PLA2G4D: variants seen among roughly 807,000 people sequenced by gnomAD.
The protein encoded by PLA2G4D is cytosolic phospholipase A2 delta.
Under a neutral mutation model 94.4 loss-of-function variants are expected in PLA2G4D, and 80 were observed. The observed-to-expected ratio is 0.85, with a 90% CI of 0.71 to 1.02. The LOEUF (loss-of-function observed/expected upper bound fraction) is 1.02. Among genes scored for constraint, PLA2G4D ranks in the 50% least tolerant of loss-of-function variants. The pLI is 0.00. For missense variants in PLA2G4D, 1,050 were observed against 1,034.7 expected (o/e 1.01, Z -0.20); for synonymous variants, 438 against 440.9 (o/e 0.99, Z 0.08).
In PLA2G4D at chr15:42,084,612, C is replaced by A. The variant is rs1346225874; in HGVS notation, c.471+484G>T. Among the ~76,000 whole-genome samples the A allele has an allele frequency of 6.6e-6, 1 of 151,944 alleles. No individual in the cohort carries two copies. Among genetic ancestry groups the A allele is most frequent in the Non-Finnish European group, 1.5e-5 (1 of 67,950 alleles). ...AGCTTCGTGAGCCCGTGGTCAGGAG[C>A]GCTGACCAGGACTCTCCCCAGTCCC... On this transcript the variant is annotated intron_variant, in intron 6 of 19. Transcript: ENST00000290472. The surrounding 1 kb of genome is among the most constrained non-coding windows in gnomAD (Gnocchi z 4.8).
intron 1 of PLA2G4D, among the ~76,000 whole-genome samples, chr15:42,092,128 C>T (rs993304980): frequency 6.6e-6 from 1 of 152,070 alleles, no homozygotes; most frequent in Non-Finnish European, 1.5e-5. Flanking sequence ...GAGAGACCCA[C>T]CGACCCTGTG....
intron 12 of PLA2G4D, among the ~76,000 whole-genome samples, chr15:42,080,419 G>A (rs1890015581): frequency 6.6e-6 from 1 of 152,172 alleles, no homozygotes; most frequent in South Asian, 2.1e-4. Flanking sequence ...TGCGGGGTGA[G>A]GGCGTAGGGA....
intron 1 of PLA2G4D, among the ~76,000 whole-genome samples, chr15:42,090,185 T>G (rs1443036841): frequency 6.6e-6 from 1 of 151,020 alleles, no homozygotes; most frequent in Non-Finnish European, 1.5e-5. Context: ...TGTTTCCTCA[T>G]GTGTAGTGGA....
At chr15:42,082,063 C>T (rs924798221) in intron 9 of PLA2G4D, among the ~76,000 whole-genome samples, 1 of 151,560 alleles carries the variant, frequency 6.6e-6, no homozygotes, top group Non-Finnish European at 1.5e-5. Flanking sequence ...TCCTGAGTAG[C>T]TGGGATTACA....
rs1398258765 is a variant in PLA2G4D at position 42,087,357 on chromosome 15, G to A, written c.198C>T (p.Asp66=). The A allele has an allele frequency of 6.2e-7, 1 of 1,614,200 alleles. No individual in the cohort carries two copies. Among genetic ancestry groups the A allele is most frequent in the African/African-American group, 1.3e-5 (1 of 75,040 alleles). ...GMKFKTKTLT[D]TSHPVWNEAF... Reference sequence around the variant, plus strand: ...CCTCATTCCACACAGGATGACTGGTGTCGGTGAGCGTCTTGGTCTTAAACT... The same window carrying A: ...CCTCATTCCACACAGGATGACTGGTATCGGTGAGCGTCTTGGTCTTAAACT... The change falls in exon 3 of 20, where the codon GAC becomes GAT. Residue 66 remains aspartate (D), a synonymous_variant. Coordinates refer to ENST00000290472, the MANE Select transcript of PLA2G4D (RefSeq NM_178034.4).
intron 10 of PLA2G4D, 64 bp from the exon 11 acceptor site, chr15:42,081,678 G>T: frequency 6.2e-7 from 1 of 1,610,284 alleles, no homozygotes; most frequent in Non-Finnish European, 8.5e-7. Flanking sequence ...GGCTGGCCAA[G>T]CCCACAATGA....
chr15:42,068,910 AC>A lies in PLA2G4D; in HGVS notation c.2261del (p.Gly754ValfsTer18). On this transcript the variant is annotated frameshift_variant, in exon 20 of 20. Transcript: ENST00000290472. LOFTEE classifies it low-confidence loss of function (END_TRUNC). Reference sequence around the variant, plus strand: ...TGGCCCCGGTGAGATCCACTTGGCCACCCTGGAGCTCTGCGGGGCTGCGCTG... The same window carrying A: ...TGGCCCCGGTGAGATCCACTTGGCCACCTGGAGCTCTGCGGGGCTGCGCTG... ...GVQRSPAELQGGQVDLTGATC... is the reference protein window; with the variant it reads ...GVQRSPAELQXGQVDLTGATC... 1 of 1,612,574 alleles carries A rather than the reference AC, an allele frequency of 6.2e-7. No homozygotes were observed. Among genetic ancestry groups the A allele is most frequent in the Non-Finnish European group, 8.5e-7 (1 of 1,179,880 alleles).
chr15:42,071,945 G>A (rs74724325), intron 14 of PLA2G4D, 34 bp from the exon 15 acceptor site: 166,169 of 1,608,212 alleles, frequency 0.1, 9,482 homozygotes, highest in Non-Finnish European at 0.12. Flanking sequence ...AGGAGTGTGA[G>A]GGGAGTGGAT....
rs564537523 is a variant in PLA2G4D at position 42,067,710 on chromosome 15, A to C, written c.*1005T>G. The C allele has an allele frequency of 6.6e-6, 1 of 152,352 alleles. No homozygotes were observed. Among genetic ancestry groups the C allele is most frequent in the East Asian group, 1.9e-4 (1 of 5,190 alleles). The allele number at this position is 152,352 out of a possible 1,614,324, so 9.4% of individuals were successfully genotyped here. On this transcript the variant is annotated 3_prime_UTR_variant, in exon 20 of 20. Coordinates refer to ENST00000290472, the MANE Select transcript of PLA2G4D (RefSeq NM_178034.4). Reference sequence around the variant, plus strand: ...CATTAATAAAATACACGACAAAACCACATGATCATGCCCATAGACACAGAA... The same window carrying C: ...CATTAATAAAATACACGACAAAACCCCATGATCATGCCCATAGACACAGAA...
At chr15:42,093,049 C>T (rs903204095) in intron 1 of PLA2G4D, among the ~76,000 whole-genome samples, 7 of 152,164 alleles carry the variant, frequency 4.6e-5, no homozygotes, top group Admixed American at 6.5e-5. Context: ...CTGGACCACA[C>T]GGCAGGCACG....
Position 42,086,194 on chromosome 15 carries a change from T to TGGGGGGGGGGGGGGGGGGCG in PLA2G4D, c.387+18_387+19insCGCCCCCCCCCCCCCCCCCC. 1 of 1,370,444 alleles carries TGGGGGGGGGGGGGGGGGGCG rather than the reference T, an allele frequency of 7.3e-7. No homozygotes were observed. Among genetic ancestry groups the TGGGGGGGGGGGGGGGGGGCG allele is most frequent in the Non-Finnish European group, 9.6e-7 (1 of 1,043,084 alleles). 84.9% of individuals were successfully genotyped at this position (1,370,444 alleles called of 1,614,324 possible). A position where few individuals can be genotyped will look rare whatever the true frequency, so the allele number is the denominator to read the frequency against. On this transcript the variant is annotated intron_variant, in intron 4 of 19. Coordinates refer to ENST00000290472, the MANE Select transcript of PLA2G4D (RefSeq NM_178034.4). ...GGAAGAAGTGGGGCCCACGGGGACT[T>TGGGGGGGGGGGGGGGGGGCG]CCCCACCCACCCACCCACCTGGGGA...
intron 5 of PLA2G4D, 56 bp downstream of exon 5, chr15:42,085,435 C>T (rs576165348): frequency 5.1e-6 from 8 of 1,571,580 alleles, no homozygotes; most frequent in Admixed American, 1.7e-5. Flanking sequence ...GGGTCAGGGC[C>T]ATTTCCTCAG....
chr15:42,088,824 G>A (rs559863854), intron 1 of PLA2G4D, among the ~76,000 whole-genome samples: 1 of 152,200 alleles, frequency 6.6e-6, no homozygotes, highest in Admixed American at 6.5e-5. Context: ...CCGGGGAGTG[G>A]GGCAGTGGGA....
At chr15:42,087,779 C>G (rs1360142507) in intron 1 of PLA2G4D, 79 bp from the exon 2 acceptor site, 13 of 1,414,696 alleles carry the variant, frequency 9.2e-6, no homozygotes, top group Middle Eastern at 1.8e-4. Flanking sequence ...GCTGCCGACA[C>G]CCCTCACCAC....
chr15:42,070,205 C>G, intron 18 of PLA2G4D, 110 bp from the exon 19 acceptor site: 2 of 1,148,696 alleles, frequency 1.7e-6, no homozygotes, highest in Non-Finnish European at 1.2e-6. Context: ...CTGGCTCTGT[C>G]CTGTTTGTGG....
Position 42,094,450 on chromosome 15 carries a change from G to A in PLA2G4D, c.10C>T (p.Leu4=). 6.2e-7 allele frequency: 1 copy of A among 1,614,148 alleles called. No homozygotes were observed. Among genetic ancestry groups the A allele is most frequent in the African/African-American group, 1.3e-5 (1 of 75,064 alleles). Reference sequence around the variant, plus strand: ...TGGCCAGGTGGTCCCCCAGGTGACAGGCTCTCCATGCTAGCCCTTCCAGCT... The same window carrying A: ...TGGCCAGGTGGTCCCCCAGGTGACAAGCTCTCCATGCTAGCCCTTCCAGCT... The part of the protein sequence containing the change: MES[L]SPGGPPGHPY... Residue 4 remains leucine, a synonymous_variant, in exon 1 of 20, where the codon CTG becomes TTG. Transcript: ENST00000290472.
chr15:42,093,672 C>T (rs930881248), intron 1 of PLA2G4D, among the ~76,000 whole-genome samples: 7 of 152,216 alleles, frequency 4.6e-5, no homozygotes, highest in Non-Finnish European at 7.3e-5. Context: ...CTTCCAGGAG[C>T]ACCAGTCTGG....
chr15:42,087,313 T>C lies in PLA2G4D; in HGVS notation c.242A>G (p.Gln81Arg). The C allele has an allele frequency of 1.2e-6, 2 of 1,614,060 alleles. No individual in the cohort carries two copies. Among genetic ancestry groups the C allele is most frequent in the Non-Finnish European group, 1.7e-6 (2 of 1,179,988 alleles). ...CCGGGCCTTCACCTTGACCTGACTT[T>C]GGATAAGGAAACGGAAGGCCTCATT... ...VWNEAFRFLIQSQVKNVLELS... is the reference protein window; with the variant it reads ...VWNEAFRFLIRSQVKNVLELS... The change falls in exon 3 of 20, where the codon CAA becomes CGA. Residue 81 changes from glutamine to arginine, a missense_variant. By Grantham distance (43) the Gln-to-Arg change is conservative. Transcript: ENST00000290472.
At chr15:42,075,927 G>A (rs1942059424) in intron 13 of PLA2G4D, among the ~76,000 whole-genome samples, 2 of 144,686 alleles carry the variant, frequency 1.4e-5, no homozygotes, top group Admixed American at 1.4e-4. Context: ...GGGAGGGGAG[G>A]GGAGGGGAGA....
Sources: gnomAD v4.1 joint callset for allele counts (sites outside exome capture counted in the v4.1 genomes callset) on GRCh38, gnomAD v4.1.1 for gene constraint, Gnocchi (gnomAD v3.1) non-coding constraint, MANE v1.5 for transcripts, NCBI Gene and HGNC (gene_info 2026-07-23, HGNC 2026-07-21) for gene names.